The following DNAJB1 variants were observed in gnomAD, a reference collection of about 807,000 sequenced individuals.
DNAJB1 encodes the protein dnaJ homolog subfamily B member 1.
A neutral mutation model predicts 24.0 loss-of-function variants in DNAJB1; 14 were observed. The ratio of observed to expected loss-of-function variants is 0.58; its 90% confidence interval spans 0.39 to 0.91. DNAJB1 has a LOEUF of 0.91. Among genes scored for constraint, DNAJB1 ranks in the 40% least tolerant of loss-of-function variants. The pLI, the probability that DNAJB1 is intolerant of heterozygous loss-of-function variation, is 0.00. For synonymous variants in DNAJB1, 262 were observed against 174.4 expected (o/e 1.50, Z -3.96); for missense variants, 517 against 458.1 (o/e 1.13, Z -1.17).
upstream of DNAJB1, chr19:14,529,449 C>G: frequency 1.6e-6 from 1 of 635,048 alleles, no homozygotes; most frequent in Non-Finnish European, 2.9e-6. Flanking sequence ...ATTGGTCTCG[C>G]AAGTTGATTG....
At chr19:14,524,135 G>A (rs2072392161) in intron 2 of DNAJB1, among the ~76,000 whole-genome samples, 1 of 152,156 alleles carries the variant, frequency 6.6e-6, no homozygotes, top group Non-Finnish European at 1.5e-5. Flanking sequence ...AGTGCTTACA[G>A]TAGACACTCA....
At chr19:14,517,125 T>C (rs2072281831) in intron 1 of DNAJB1, 79 bp from the exon 2 acceptor site, 2 of 1,461,812 alleles carry the variant, frequency 1.4e-6, no homozygotes, top group East Asian at 4.6e-5. Flanking sequence ...GGGAAACAGC[T>C]TGGAAGCCAT....
At chr19:14,516,389 A>G (rs1329191754) in intron 2 of DNAJB1, 77 bp downstream of exon 2, 1 of 1,491,914 alleles carries the variant, frequency 6.7e-7, no homozygotes, top group Admixed American at 2.0e-5. Context: ...ACCCCAACAC[A>G]TTGGTTCAGC....
chr19:14,542,322 C>T lies in DNAJB1; in HGVS notation c.-214+7886G>A, dbSNP rs568342112. 1.2e-4 allele frequency among the ~76,000 whole-genome samples: 17 copies of T among 140,460 alleles called. No homozygotes were observed. The East Asian group carries it at 3.3e-3, about 27-fold the overall frequency. The allele number at this position is 140,460 out of a possible 152,430, so 92.1% of individuals were successfully genotyped here. On this transcript the variant is annotated intron_variant, in intron 1 of 3. Transcript: ENST00000676982. ...ATTGGAGGGCAGTTCATTTTTAAGT[C>T]CTCAGGGGGCCCTCATGCCATAGTG... is the stretch of plus-strand genomic sequence containing the variant.
intron 1 of DNAJB1, among the ~76,000 whole-genome samples, chr19:14,537,778 C>T (rs2072955178): frequency 6.8e-6 from 1 of 146,960 alleles, no homozygotes; most frequent in African/African-American, 2.5e-5. Context: ...CGAAGTCTCG[C>T]TCTTGTCCCC....
At chr19:14,521,367 G>A (rs1330407175), upstream of DNAJB1, among the ~76,000 whole-genome samples, 1 of 151,962 alleles carries the variant, frequency 6.6e-6, no homozygotes, top group Non-Finnish European at 1.5e-5. Flanking sequence ...GCTGAGGCAT[G>A]AGACTCGCTT....
intron 1 of DNAJB1, 163 bp from the exon 2 acceptor site, chr19:14,517,209 C>A (rs751984086): frequency 2.0e-4 from 128 of 648,084 alleles, no homozygotes; most frequent in Non-Finnish European, 3.1e-4. Context: ...CTGCCAACAG[C>A]AGAGACGCCC....
upstream of DNAJB1, among the ~76,000 whole-genome samples, chr19:14,551,625 G>A (rs1324210717): frequency 6.6e-6 from 1 of 152,068 alleles, no homozygotes; most frequent in Non-Finnish European, 1.5e-5. Context: ...CATGCAGGAG[G>A]CATTGCCACA....
At chr19:14,533,449 G>T (rs2072749257), upstream of DNAJB1, among the ~76,000 whole-genome samples, 1 of 151,896 alleles carries the variant, frequency 6.6e-6, no homozygotes, top group Non-Finnish European at 1.5e-5. Context: ...ATCTATTTCT[G>T]CTTGGGACTA....
At chr19:14,524,615 G>A (rs2072397813) in intron 2 of DNAJB1, among the ~76,000 whole-genome samples, 1 of 151,800 alleles carries the variant, frequency 6.6e-6, no homozygotes, top group Admixed American at 6.6e-5. Flanking sequence ...GGAGGCTGAG[G>A]CAGGTGGATC....
At chr19:14,546,049 ACT>A in intron 1 of DNAJB1, among the ~76,000 whole-genome samples, 1 of 151,330 alleles carries the variant, frequency 6.6e-6, no homozygotes, top group East Asian at 1.9e-4. Context: ...CATGCCACTG[ACT>A]CTTGGGGGAC....
At chr19:14,546,813 C>G (rs1307056351) in intron 1 of DNAJB1, among the ~76,000 whole-genome samples, 1 of 152,142 alleles carries the variant, frequency 6.6e-6, no homozygotes, top group Non-Finnish European at 1.5e-5. Context: ...CCTTAGCCTC[C>G]CAGGTAGCTG....
chr19:14,546,868 T>G (rs1273853954), intron 1 of DNAJB1, among the ~76,000 whole-genome samples: 1 of 152,148 alleles, frequency 6.6e-6, no homozygotes, highest in Non-Finnish European at 1.5e-5. Context: ...TTTAGTATTT[T>G]TAGTAGAAAC....
At chr19:14,523,815 G>A (rs2072388776) in intron 2 of DNAJB1, among the ~76,000 whole-genome samples, 1 of 151,782 alleles carries the variant, frequency 6.6e-6, no homozygotes, top group Admixed American at 6.6e-5. Context: ...GTAGAGATGG[G>A]GTTTTGCCAT....
intron 1 of DNAJB1, chr19:14,545,207 T>TCTGCTCCAGCCTGCTGCTTAG (rs1568408291): frequency 2.2e-6 from 1 of 456,744 alleles, no homozygotes; most frequent in South Asian, 1.5e-5. Flanking sequence ...TTGTCTTGGC[T>TCTGCTCCAGCCTGCTGCTTAG]CTGCTCCAGC....
chr19:14,553,408 C>CCG (rs2073607810), upstream of DNAJB1, among the ~76,000 whole-genome samples: 1 of 152,150 alleles, frequency 6.6e-6, no homozygotes, highest in African/African-American at 2.4e-5. Flanking sequence ...CCTTCCTCCC[C>CCG]ACCCTGGGTG....
chr19:14,517,819 G>T (rs2072300152), intron 1 of DNAJB1: 2 of 261,648 alleles, frequency 7.6e-6, no homozygotes, highest in South Asian at 1.7e-4. Context: ...GGGCTCCGCC[G>T]CGCCGTCCCC....
upstream of DNAJB1, among the ~76,000 whole-genome samples, chr19:14,518,766 C>T (rs1194153705): frequency 1.3e-5 from 2 of 152,234 alleles, no homozygotes; most frequent in African/African-American, 4.8e-5. Context: ...ACTTGCTGTT[C>T]CAGGAAGGGG....
intron 1 of DNAJB1, among the ~76,000 whole-genome samples, chr19:14,538,851 A>G (rs144397041): frequency 1.8e-3 from 268 of 151,904 alleles, no homozygotes; most frequent in African/African-American, 6.3e-3. Flanking sequence ...TCAAAACTTA[A>G]TGAAGAAGGT....
Sources: allele counts gnomAD v4.1 joint callset (sites outside exome capture counted in the v4.1 genomes callset), GRCh38; gene constraint gnomAD v4.1.1; transcripts MANE v1.5; gene names NCBI Gene and HGNC (gene_info 2026-07-23, HGNC 2026-07-21).